KLHL1: variants seen among roughly 807,000 people sequenced by gnomAD.
KLHL1 encodes kelch-like protein 1.
A neutral mutation model predicts 77.7 loss-of-function variants in KLHL1; 47 were observed. The observed-to-expected ratio is 0.60, with a 90% CI of 0.48 to 0.77. KLHL1 has a LOEUF of 0.77. Among genes scored for constraint, KLHL1 ranks in the 30% least tolerant of loss-of-function variants. The pLI is 0.00. For missense variants in KLHL1, 925 were observed against 910.8 expected (o/e 1.02, Z -0.20); for synonymous variants, 360 against 325.2 (o/e 1.11, Z -1.15).
intron 6 of KLHL1, among the ~76,000 whole-genome samples, chr13:69,818,226 T>TC (rs1474728924): frequency 1.4e-5 from 2 of 141,032 alleles, no homozygotes; most frequent in Non-Finnish European, 3.0e-5. Context: ...CATCTTTTTT[T>TC]TTTTTTTTTT....
intron 1 of KLHL1, among the ~76,000 whole-genome samples, chr13:70,077,351 C>G (rs988617287): frequency 8.6e-5 from 13 of 151,650 alleles, no homozygotes; most frequent in African/African-American, 3.2e-4. Flanking sequence ...ATGAAATAAG[C>G]TGGTCCACAA....
intron 4 of KLHL1, among the ~76,000 whole-genome samples, chr13:69,906,372 TTTTG>T (rs962640756): frequency 1.4e-4 from 22 of 152,000 alleles, no homozygotes; most frequent in East Asian, 3.9e-4. Flanking sequence ...TCTCTGTGTT[TTTTG>T]TTTGTTTGTT....
chr13:69,774,482 T>G (rs566585892), intron 7 of KLHL1, among the ~76,000 whole-genome samples: 1 of 152,046 alleles, frequency 6.6e-6, no homozygotes, highest in Non-Finnish European at 1.5e-5. Context: ...TTTTGCCATA[T>G]CCTCTCTCTC....
intron 1 of KLHL1, among the ~76,000 whole-genome samples, chr13:70,049,858 T>G (rs2137390462): frequency 6.6e-6 from 1 of 152,072 alleles, no homozygotes; most frequent in South Asian, 2.1e-4. Flanking sequence ...AACAAAAGAT[T>G]TACTTCTACT....
At chr13:70,065,851 C>T (rs1001764868) in intron 1 of KLHL1, among the ~76,000 whole-genome samples, 1 of 151,408 alleles carries the variant, frequency 6.6e-6, no homozygotes, top group African/African-American at 2.4e-5. Context: ...CCAAGTTTAC[C>T]ACTAATATTC....
intron 7 of KLHL1, among the ~76,000 whole-genome samples, chr13:69,790,699 C>T (rs1047094982): frequency 5.3e-5 from 8 of 152,076 alleles, no homozygotes; most frequent in Non-Finnish European, 1.0e-4. Context: ...ACAAAAATCA[C>T]ATGCATATTT....
At chr13:70,104,670 T>C (rs7993455) in intron 1 of KLHL1, among the ~76,000 whole-genome samples, 3,600 of 152,230 alleles carry the variant, frequency 0.024, 98 homozygotes, top group African/African-American at 0.066. Flanking sequence ...TTATTAAATA[T>C]GACATCATTG....
chr13:69,936,653 T>C (rs1243126515), intron 4 of KLHL1, among the ~76,000 whole-genome samples: 3 of 151,920 alleles, frequency 2.0e-5, no homozygotes, highest in Admixed American at 1.3e-4. Flanking sequence ...AAGCATGTTT[T>C]GAATTTTTTT....
chr13:69,798,256 T>A (rs1207804588), intron 6 of KLHL1, among the ~76,000 whole-genome samples: 2 of 152,190 alleles, frequency 1.3e-5, no homozygotes, highest in African/African-American at 4.8e-5. Flanking sequence ...CTATTTTACC[T>A]GTAATAAAAG....
intron 1 of KLHL1, among the ~76,000 whole-genome samples, chr13:70,059,924 A>C (rs1886836987): frequency 6.6e-6 from 1 of 152,116 alleles, no homozygotes; most frequent in African/African-American, 2.4e-5. Flanking sequence ...GGAGAAATCC[A>C]CCCCCATAAG....
chr13:69,790,502 A>C (rs991249673), intron 7 of KLHL1, among the ~76,000 whole-genome samples: 1 of 152,042 alleles, frequency 6.6e-6, no homozygotes, highest in Non-Finnish European at 1.5e-5. Flanking sequence ...AACTAACTCT[A>C]GACCAGTATC....
chr13:70,002,670 C>CACATCAT (rs1183692757), intron 1 of KLHL1, among the ~76,000 whole-genome samples: 4 of 151,694 alleles, frequency 2.6e-5, no homozygotes, highest in African/African-American at 9.7e-5. Flanking sequence ...ATGTCAATGA[C>CACATCAT]AAAAGCATAA....
At chr13:69,899,018 ATT>A (rs4053609) in intron 4 of KLHL1, among the ~76,000 whole-genome samples, 15,359 of 145,912 alleles carry the variant, frequency 0.11, 822 homozygotes, top group African/African-American at 0.15. Context: ...AAAATTACAC[ATT>A]TTTTTTTTTT....
intron 4 of KLHL1, among the ~76,000 whole-genome samples, chr13:69,913,909 C>A (rs957666999): frequency 1.3e-5 from 2 of 152,118 alleles, no homozygotes; most frequent in Non-Finnish European, 2.9e-5. Context: ...ACATTTGAGT[C>A]AGTGGACTGG....
At chr13:70,092,880 T>C (rs1448466326) in intron 1 of KLHL1, among the ~76,000 whole-genome samples, 1 of 152,150 alleles carries the variant, frequency 6.6e-6, no homozygotes, top group African/African-American at 2.4e-5. Context: ...ACAGCTAGAA[T>C]CTACAGTATT....
intron 7 of KLHL1, among the ~76,000 whole-genome samples, chr13:69,768,519 T>C (rs1566230102): frequency 2.6e-5 from 4 of 152,128 alleles, no homozygotes; most frequent in Non-Finnish European, 5.9e-5. Flanking sequence ...AAATGATGTA[T>C]GTAATGTTAA....
intron 8 of KLHL1, among the ~76,000 whole-genome samples, chr13:69,736,026 G>C (rs1447689585): frequency 6.6e-6 from 1 of 151,984 alleles, no homozygotes; most frequent in Non-Finnish European, 1.5e-5. Flanking sequence ...CAAAAACAAA[G>C]ATAAATAAAT....
chr13:69,843,047 A>G (rs2138117613), intron 5 of KLHL1, among the ~76,000 whole-genome samples: 1 of 151,772 alleles, frequency 6.6e-6, no homozygotes, highest in South Asian at 2.1e-4. Context: ...GGTGAGTGGG[A>G]GATATGGAGA....
chr13:70,035,349 A>T (rs879588340), intron 1 of KLHL1, among the ~76,000 whole-genome samples: 3 of 152,146 alleles, frequency 2.0e-5, no homozygotes, highest in Non-Finnish European at 2.9e-5. Context: ...CAAACTTCAT[A>T]TGTTCTCAAT....
Sources: gnomAD v4.1 joint callset for allele counts (sites outside exome capture counted in the v4.1 genomes callset) on GRCh38, gnomAD v4.1.1 for gene constraint, MANE v1.5 for transcripts, NCBI Gene and HGNC (gene_info 2026-07-23, HGNC 2026-07-21) for gene names.